TUSC3: variants seen among roughly 807,000 people sequenced by gnomAD.
The protein encoded by TUSC3 is dolichyl-diphosphooligosaccharide--protein glycosyltransferase subunit TUSC3.
TUSC3 carries 45 observed loss-of-function variants against 44.8 expected under a neutral mutation model. The observed-to-expected ratio is 1.00, with a 90% confidence interval of 0.79 to 1.29. TUSC3 has a LOEUF of 1.29. TUSC3 is among the 50% of genes most tolerant of loss of function. The pLI, the probability that TUSC3 is intolerant of heterozygous loss-of-function variation, is 0.00. For synonymous variants in TUSC3, 212 were observed against 152.9 expected (o/e 1.39, Z -2.85); for missense variants, 519 against 437.9 (o/e 1.19, Z -1.65).
intron 2 of TUSC3, among the ~76,000 whole-genome samples, chr8:15,523,664 A>ATATGTGTGTGTGTG (rs1345376349): frequency 2.4e-5 from 1 of 42,522 alleles, no homozygotes; most frequent in African/African-American, 8.7e-5. Context: ...ATATATATAT[A>ATATGTGTGTGTGTG]TGTGTGTGTG....
chr8:15,793,781 C>T, the TUSC3 span, among the ~76,000 whole-genome samples: 1 of 152,132 alleles, frequency 6.6e-6, no homozygotes, highest in African/African-American at 2.4e-5. Flanking sequence ...TATAGGAGCA[C>T]ATATAGGGTC....
the TUSC3 span, among the ~76,000 whole-genome samples, chr8:15,780,228 T>C: frequency 6.6e-6 from 1 of 152,070 alleles, no homozygotes; most frequent in Non-Finnish European, 1.5e-5. Flanking sequence ...ATATCAACCT[T>C]AAATGGGTAG....
intron 8 of TUSC3, among the ~76,000 whole-genome samples, chr8:15,745,139 T>C (rs992601882): frequency 6.6e-6 from 1 of 152,154 alleles, no homozygotes; most frequent in Non-Finnish European, 1.5e-5. Flanking sequence ...TTTGGCTGCA[T>C]AGTATTCCAT....
In TUSC3 at chr8:15,469,520, C is replaced by A. The variant is rs561242814; in HGVS notation, n.92-13866C>A. ...ACACTAAATGCTGGAGAGTATGGAACAACAGAAGTTCTTTCATTGCTGGTG... is the reference window on the plus strand; with the variant it reads ...ACACTAAATGCTGGAGAGTATGGAAAAACAGAAGTTCTTTCATTGCTGGTG... On this transcript the variant is annotated intron_variant and non_coding_transcript_variant, in intron 1 of 5. Coordinates refer to the TUSC3 transcript ENST00000503191. 1.2e-4 allele frequency among the ~76,000 whole-genome samples: 19 copies of A among 152,252 alleles called. No homozygotes were observed. In the East Asian group the frequency reaches 3.5e-3, roughly 28 times the overall value.
At position 15,659,369 on chromosome 8, in the gene TUSC3, CAG is replaced by C. The variant is rs1807318405; in HGVS notation, c.427-136_427-135del. ...AGTAGTGAATTAAGACAAATAAAAA[CAG>C]AAATTTACCTCTGGAAAACCACTTG... is the stretch of plus-strand genomic sequence containing the variant. On this transcript the variant is annotated intron_variant, in intron 3 of 10. Coordinates refer to ENST00000503731, the MANE Select transcript of TUSC3 (RefSeq NM_006765.4). 1.7e-5 allele frequency: 18 copies of C among 1,056,804 alleles called. No individual in the cohort carries two copies. The Admixed American group carries it at 2.4e-4, about 14-fold the overall frequency. 65.5% of individuals were successfully genotyped at this position (1,056,804 alleles called of 1,614,324 possible).
intron 6 of TUSC3, among the ~76,000 whole-genome samples, chr8:15,684,821 G>C (rs932674015): frequency 6.6e-6 from 1 of 152,196 alleles, no homozygotes; most frequent in Non-Finnish European, 1.5e-5. Context: ...TGGATGTAAA[G>C]CAGCAGCTGT....
chr8:15,636,548 A>C (rs1333864124), intron 2 of TUSC3, among the ~76,000 whole-genome samples: 1 of 152,220 alleles, frequency 6.6e-6, no homozygotes, highest in Admixed American at 6.5e-5. Flanking sequence ...GCGTTGGTAC[A>C]TGGAAGACAA....
chr8:15,709,894 G>C (rs1482151344), intron 6 of TUSC3, among the ~76,000 whole-genome samples: 1 of 151,702 alleles, frequency 6.6e-6, no homozygotes, highest in Non-Finnish European at 1.5e-5. Context: ...ATTACATTAT[G>C]GCACTCAAAT....
intron 1 of TUSC3, among the ~76,000 whole-genome samples, chr8:15,595,973 A>C (rs1223157647): frequency 6.6e-6 from 1 of 152,170 alleles, no homozygotes; most frequent in East Asian, 1.9e-4. Context: ...TCTTTAACAT[A>C]TTTCTTCAGG....
chr8:15,628,651 T>C (rs903927320), intron 2 of TUSC3, among the ~76,000 whole-genome samples: 2 of 152,116 alleles, frequency 1.3e-5, no homozygotes, highest in African/African-American at 4.8e-5. Flanking sequence ...CTTGTAGCTT[T>C]TGTATTTTAT....
At chr8:15,627,307 GC>G (rs970535755) in intron 2 of TUSC3, among the ~76,000 whole-genome samples, 4 of 152,188 alleles carry the variant, frequency 2.6e-5, no homozygotes, top group African/African-American at 9.6e-5. Context: ...CCTACTGAGA[GC>G]TGAAGACTTG....
chr8:15,469,314 A>G (rs1364359480), intron 1 of TUSC3, among the ~76,000 whole-genome samples: 3 of 152,238 alleles, frequency 2.0e-5, no homozygotes, highest in East Asian at 3.9e-4. Context: ...AATTTCAACA[A>G]TAAGAAATCA....
Position 15,572,571 on chromosome 8 carries a change from T to G in TUSC3, c.138+32003T>G, listed in dbSNP as rs117042888. On this transcript the variant is annotated intron_variant, in intron 1 of 10. Coordinates refer to ENST00000503731, the MANE Select transcript of TUSC3 (RefSeq NM_006765.4). Reference sequence around the variant, plus strand: ...AAAACATTGCATTTGCATTAACAACTTGTCTAACTGTTCGGTGCAAGAGGT... The same window carrying G: ...AAAACATTGCATTTGCATTAACAACGTGTCTAACTGTTCGGTGCAAGAGGT... 3.3e-3 allele frequency among the ~76,000 whole-genome samples: 497 copies of G among 152,332 alleles called. 7 individuals are homozygous for G. In the East Asian group the frequency reaches 0.035, roughly 11 times the overall value.
intron 7 of TUSC3, among the ~76,000 whole-genome samples, chr8:15,735,802 C>G (rs1585282536): frequency 6.6e-6 from 1 of 152,134 alleles, no homozygotes; most frequent in Admixed American, 6.5e-5. Flanking sequence ...CGGGTTCACG[C>G]CATTCTCCTG....
intron 2 of TUSC3, among the ~76,000 whole-genome samples, chr8:15,489,387 A>G (rs1397976356): frequency 6.6e-6 from 1 of 152,186 alleles, no homozygotes; most frequent in Non-Finnish European, 1.5e-5. Flanking sequence ...AGTCTCACAG[A>G]TGGCCACCCT....
chr8:15,529,729 C>T (rs146059223), intron 2 of TUSC3, among the ~76,000 whole-genome samples: 41 of 149,938 alleles, frequency 2.7e-4, no homozygotes, highest in African/African-American at 9.0e-4. Flanking sequence ...AGGGATTTTC[C>T]TCTTATAATG....
At chr8:15,567,431 C>A (rs1182380915) in intron 1 of TUSC3, among the ~76,000 whole-genome samples, 8 of 152,052 alleles carry the variant, frequency 5.3e-5, no homozygotes, top group Non-Finnish European at 8.8e-5. Flanking sequence ...TGGAAACTTG[C>A]CCAGAGTAGG....
intron 6 of TUSC3, among the ~76,000 whole-genome samples, chr8:15,695,374 A>G (rs890507497): frequency 4.6e-5 from 7 of 152,346 alleles, no homozygotes; most frequent in Admixed American, 2.0e-4. Flanking sequence ...GCCACCATCC[A>G]TGTAAAACAT....
intron 6 of TUSC3, among the ~76,000 whole-genome samples, chr8:15,713,782 C>G (rs1809954204): frequency 6.6e-6 from 1 of 152,054 alleles, no homozygotes; most frequent in Admixed American, 6.6e-5. Context: ...TTTAAAGACC[C>G]TCTCACCAAA....
Sources: allele counts gnomAD v4.1 joint callset (sites outside exome capture counted in the v4.1 genomes callset), GRCh38; gene constraint gnomAD v4.1.1; transcripts MANE v1.5; gene names NCBI Gene and HGNC (gene_info 2026-07-23, HGNC 2026-07-21).